The following NEK3 variants were observed in gnomAD, a reference collection of about 807,000 sequenced individuals.
NEK3 encodes the protein NIMA related kinase 3, also known as serine/threonine-protein kinase Nek3.
A neutral mutation model predicts 66.0 loss-of-function variants in NEK3; 54 were observed. That is an observed-to-expected ratio of 0.82 (90% CI 0.66 to 1.03). NEK3 has a LOEUF of 1.03. NEK3 is among the 50% of genes least tolerant of loss of function. The pLI is 0.00. For synonymous variants in NEK3, 200 were observed against 206.2 expected, an observed-to-expected ratio of 0.97 and a Z score of 0.26; for missense variants, 593 against 603.0, an observed-to-expected ratio of 0.98 and a Z score of 0.17.
intron 2 of NEK3, among the ~76,000 whole-genome samples, chr13:52,155,206 A>C (rs903403712): frequency 4.6e-5 from 7 of 152,148 alleles, no homozygotes; most frequent in Non-Finnish European, 7.3e-5. Flanking sequence ...AGTGGGAAAA[A>C]AATACCTAGC....
Position 52,136,262 on chromosome 13 carries a change from G to C in NEK3, c.1031-3C>G. ...CCTCAGATGGACTGACTTATTACCT[G>C]ATTTTAAAGTGTGAAAAAGGAATGC... On this transcript the variant is annotated splice_polypyrimidine_tract_variant and splice_region_variant and intron_variant, in intron 12 of 15. Coordinates refer to ENST00000610828, the MANE Select transcript of NEK3 (RefSeq NM_002498.3). 6.2e-7 allele frequency: 1 copy of C among 1,613,220 alleles called. No individual in the cohort carries two copies. The highest frequency in any genetic ancestry group is 8.5e-7 in the Non-Finnish European group (1 of 1,179,482).
intron 15 of NEK3, among the ~76,000 whole-genome samples, 185 bp from the exon 16 acceptor site, chr13:52,133,411 T>C (rs1403687332): frequency 1.3e-5 from 2 of 152,126 alleles, no homozygotes; most frequent in Admixed American, 6.5e-5. Flanking sequence ...TCTAAAACTT[T>C]TAAAAATATA....
At position 52,133,821 on chromosome 13, in the gene NEK3, G is replaced by A; in HGVS notation, c.1310-6C>T. 6.3e-7 allele frequency: 1 copy of A among 1,594,142 alleles called. No individual in the cohort carries two copies. Reference sequence around the variant, plus strand: ...TTTCAAGAACCCTTCTGAACCTTCAGGAGATATTAACAGAAAATATACCAA... The same window carrying A: ...TTTCAAGAACCCTTCTGAACCTTCAAGAGATATTAACAGAAAATATACCAA... On this transcript the variant is annotated splice_region_variant and splice_polypyrimidine_tract_variant and intron_variant, in intron 14 of 15. Transcript: ENST00000610828.
chr13:52,140,360 G>A (rs1449331304), intron 11 of NEK3, among the ~76,000 whole-genome samples: 1 of 152,092 alleles, frequency 6.6e-6, no homozygotes, highest in Admixed American at 6.5e-5. Context: ...TGTAATCCCA[G>A]CACTTTGGGA....
At chr13:52,140,620 T>C (rs145122062) in intron 11 of NEK3, among the ~76,000 whole-genome samples, 157 of 151,518 alleles carry the variant, frequency 1.0e-3, no homozygotes, top group African/African-American at 3.6e-3. Flanking sequence ...ATAATAATAA[T>C]AATAAATGGA....
intron 5 of NEK3, among the ~76,000 whole-genome samples, chr13:52,152,087 G>A (rs190497703): frequency 8.2e-4 from 125 of 152,260 alleles, no homozygotes; most frequent in Non-Finnish European, 3.5e-4. Context: ...GTCGTTAAGC[G>A]ATGCATGACT....
intron 3 of NEK3, 26 bp downstream of exon 3, chr13:52,154,054 A>G: frequency 6.3e-7 from 1 of 1,597,258 alleles, no homozygotes; most frequent in Non-Finnish European, 8.6e-7. Flanking sequence ...TCAGAAATGC[A>G]CATATCTGGG....
chr13:52,140,722 G>A (rs545344502), intron 11 of NEK3, among the ~76,000 whole-genome samples: 5 of 152,100 alleles, frequency 3.3e-5, no homozygotes, highest in Non-Finnish European at 4.4e-5. Context: ...AATGAAGGAA[G>A]AAGTACTTAA....
intron 11 of NEK3, among the ~76,000 whole-genome samples, chr13:52,137,429 G>C (rs906534555): frequency 1.3e-5 from 2 of 152,150 alleles, no homozygotes; most frequent in Non-Finnish European, 2.9e-5. Context: ...CATATACTTT[G>C]AGAAGAAGTA....
At chr13:52,155,108 G>C (rs1381846526) in intron 2 of NEK3, among the ~76,000 whole-genome samples, 1 of 151,992 alleles carries the variant, frequency 6.6e-6, no homozygotes, top group East Asian at 1.9e-4. Flanking sequence ...CCTGGGGGTG[G>C]AGCACAGCAG....
At chr13:52,151,444 G>A (rs1956346028) in intron 5 of NEK3, 52 bp from the exon 6 acceptor site, 4 of 1,478,012 alleles carry the variant, frequency 2.7e-6, no homozygotes, top group East Asian at 2.5e-5. Context: ...CAAACATGAG[G>A]CAGATAAGCT....
At chr13:52,136,380 T>C in intron 12 of NEK3, 121 bp from the exon 13 acceptor site, 1 of 1,018,362 alleles carries the variant, frequency 9.8e-7, no homozygotes, top group Non-Finnish European at 1.4e-6. Flanking sequence ...CAGATCTATG[T>C]TTGAAAGATC....
At chr13:52,151,535 A>C in intron 5 of NEK3, 143 bp from the exon 6 acceptor site, 2 of 693,948 alleles carry the variant, frequency 2.9e-6, no homozygotes, top group Non-Finnish European at 4.9e-6. Context: ...CAAAACACCA[A>C]GATCCCCTCT....
At chr13:52,155,141 A>G (rs1307546979) in intron 2 of NEK3, among the ~76,000 whole-genome samples, 1 of 152,118 alleles carries the variant, frequency 6.6e-6, no homozygotes, top group African/African-American at 2.4e-5. Context: ...CAAGCCCTCC[A>G]GATGATTATG....
In NEK3 at chr13:52,154,087, T is replaced by C. The variant is rs1159379451; in HGVS notation, c.204A>G (p.Ser68=). 8 of 1,609,234 alleles carry C rather than the reference T, an allele frequency of 5.0e-6. No homozygotes were observed. The highest frequency in any genetic ancestry group is 6.0e-6 in the Non-Finnish European group (7 of 1,176,418). Residue 68 remains serine (S), a synonymous_variant, in exon 3 of 16, where the codon TCA becomes TCG. Coordinates refer to ENST00000610828, the MANE Select transcript of NEK3 (RefSeq NM_002498.3). ...KHPNIVAFKE[S]FEAEGHLYIV... The stretch of plus-strand genomic sequence containing the variant: ...GGGGGAATTCGTATTTACCTTCAAA[T>C]GATTCTTTGAAGGCAACAATATTAG...
At chr13:52,148,196 A>T (rs1377577852) in intron 8 of NEK3, 2 of 390,132 alleles carry the variant, frequency 5.1e-6, no homozygotes, top group Non-Finnish European at 9.1e-6. Context: ...AGAAAGAGAG[A>T]GAAAGGTTAT....
At chr13:52,147,565 A>G (rs1216471853) in intron 8 of NEK3, among the ~76,000 whole-genome samples, 1 of 152,256 alleles carries the variant, frequency 6.6e-6, no homozygotes, top group South Asian at 2.1e-4. Flanking sequence ...TACCTAGAAT[A>G]TGCAAATTCA....
intron 7 of NEK3, among the ~76,000 whole-genome samples, chr13:52,149,589 G>A (rs1367327341): frequency 1.3e-5 from 2 of 152,014 alleles, no homozygotes; most frequent in African/African-American, 2.4e-5. Context: ...AAGGTTGCCC[G>A]CCGGGCATGG....
At chr13:52,133,645 A>ACACACACACACC in intron 15 of NEK3, 44 bp downstream of exon 15, 1 of 1,539,880 alleles carries the variant, frequency 6.5e-7, no homozygotes, top group South Asian at 1.2e-5. Context: ...ACACACACAC[A>ACACACACACACC]CCCCCAACCC....
Sources: allele counts gnomAD v4.1 joint callset (sites outside exome capture counted in the v4.1 genomes callset), GRCh38; gene constraint gnomAD v4.1.1; transcripts MANE v1.5; gene names NCBI Gene and HGNC (gene_info 2026-07-23, HGNC 2026-07-21).